SLC4A8: variants seen among roughly 807,000 people sequenced by gnomAD.
SLC4A8 encodes electroneutral sodium bicarbonate exchanger 1.
In SLC4A8, 40 loss-of-function variants were observed where a neutral mutation model predicts 125.0. That is an observed-to-expected ratio of 0.32 (90% confidence interval 0.25 to 0.42). The LOEUF (loss-of-function observed/expected upper bound fraction) is 0.42. Among genes scored for constraint, SLC4A8 ranks in the 10% least tolerant of loss-of-function variants. The pLI is 1.00. For synonymous variants in SLC4A8, 456 were observed against 476.0 expected (o/e 0.96, Z 0.55); for missense variants, 863 against 1,355.1 (o/e 0.64, Z 5.70).
rs1420101801 is a variant in SLC4A8, at chr12:51,433,501, A to C, written c.49-7207A>C. ...AAGCCCCTGTGAGAGAATCTGATGA[A>C]AGTTATGGACCCTCTCCCAAGAAAA... On this transcript the variant is annotated intron_variant, in intron 1 of 24. Transcript: ENST00000453097. 2.0e-5 allele frequency among the ~76,000 whole-genome samples: 3 copies of C among 152,122 alleles called. No individual in the cohort carries two copies. In the East Asian group the frequency reaches 5.8e-4, roughly 29 times the overall value.
At chr12:51,420,614 C>T (rs931354575), upstream of SLC4A8, among the ~76,000 whole-genome samples, 43 of 152,264 alleles carry the variant, frequency 2.8e-4, no homozygotes, top group African/African-American at 9.6e-4. Context: ...TTTATAATGT[C>T]TCCAGGGAGT....
intron 2 of SLC4A8, among the ~76,000 whole-genome samples, chr12:51,450,423 G>A (rs1459000737): frequency 6.6e-6 from 1 of 152,174 alleles, no homozygotes; most frequent in Non-Finnish European, 1.5e-5. Context: ...GCAAGTGAAT[G>A]ATGGAATTGA....
intron 1 of SLC4A8, among the ~76,000 whole-genome samples, chr12:51,417,976 C>G (rs568655552): frequency 6.6e-6 from 1 of 152,276 alleles, no homozygotes; most frequent in South Asian, 2.1e-4. Context: ...ACTGTGCATT[C>G]CATTGCTAAA....
At position 51,488,857 on chromosome 12, in the gene SLC4A8, C is replaced by G. The variant is rs1281468004; in HGVS notation, c.2445C>G (p.Leu815=). ...TTATTAACAGGAAGGAACATAAGCT[C>G]AAGGTAAAAAGAGGTTCTGACCTAG... ...AVIINRKEHK[L]KKGCGYHLDL... Residue 815 remains leucine, a synonymous_variant, in exon 18 of 25, where the codon CTC becomes CTG. Coordinates refer to ENST00000453097, the MANE Select transcript of SLC4A8 (RefSeq NM_001039960.3). 6.2e-7 allele frequency: 1 copy of G among 1,610,964 alleles called. No individual in the cohort carries two copies. Among genetic ancestry groups the G allele is most frequent in the Non-Finnish European group, 8.5e-7 (1 of 1,178,616 alleles).
intron 1 of SLC4A8, among the ~76,000 whole-genome samples, chr12:51,395,823 T>C (rs1326055427): frequency 6.6e-6 from 1 of 152,224 alleles, no homozygotes; most frequent in African/African-American, 2.4e-5. Flanking sequence ...GAAGTGCAGT[T>C]AATGATACCT....
chr12:51,457,615 G>T (rs1950194559), intron 6 of SLC4A8, 76 bp downstream of exon 6: 3 of 1,339,216 alleles, frequency 2.2e-6, no homozygotes. Flanking sequence ...ACTTACTAGG[G>T]GTGGGGGCTG....
rs529849891 is a variant in SLC4A8 at position 51,478,028 on chromosome 12, G to A, written c.2172+2822G>A. ...GCAGTGGCTCACGCCTGTAATCCCA[G>A]AACTTGGGAGGCCGAGATGGGCAGA... On this transcript the variant is annotated intron_variant, in intron 16 of 24. Coordinates refer to ENST00000453097, the MANE Select transcript of SLC4A8 (RefSeq NM_001039960.3). 3.9e-5 allele frequency among the ~76,000 whole-genome samples: 6 copies of A among 152,266 alleles called. No homozygotes were observed. The East Asian group carries it at 9.6e-4, about 24-fold the overall frequency.
chr12:51,491,737 G>GCACACACACA (rs371323026), intron 19 of SLC4A8, among the ~76,000 whole-genome samples: 105 of 126,912 alleles, frequency 8.3e-4, no homozygotes, highest in East Asian at 3.4e-3. Context: ...CTGGGGATGG[G>GCACACACACA]CAGACACACA....
chr12:51,421,406 C>T (rs1948787328), upstream of SLC4A8, among the ~76,000 whole-genome samples: 1 of 152,236 alleles, frequency 6.6e-6, no homozygotes, highest in Non-Finnish European at 1.5e-5. Flanking sequence ...GCAGCCTTAG[C>T]TGCTGCCTCT....
chr12:51,410,866 CTTTTCTTTTCT>C (rs1284253919), intron 1 of SLC4A8, among the ~76,000 whole-genome samples: 153 of 135,764 alleles, frequency 1.1e-3, no homozygotes, highest in African/African-American at 2.7e-3. Flanking sequence ...CTTTTCTTTT[CTTTTCTTTTCT>C]TTTTTTTTTT....
chr12:51,470,657 C>A (rs1487070165), intron 13 of SLC4A8, 132 bp downstream of exon 13: 1 of 829,422 alleles, frequency 1.2e-6, no homozygotes, highest in Non-Finnish European at 1.9e-6. Context: ...AGGAGACCAT[C>A]ATTTGGTCTG....
At chr12:51,500,564 AT>A (rs1454785568) in intron 22 of SLC4A8, among the ~76,000 whole-genome samples, 2 of 152,080 alleles carry the variant, frequency 1.3e-5, no homozygotes, top group East Asian at 3.8e-4. Flanking sequence ...CTATAGTATT[AT>A]CTCATACTTA....
At chr12:51,468,240 C>T (rs1950580735) in intron 11 of SLC4A8, among the ~76,000 whole-genome samples, 1 of 152,138 alleles carries the variant, frequency 6.6e-6, no homozygotes, top group Non-Finnish European at 1.5e-5. Context: ...CTTGGTCTGT[C>T]TCATCTTTGA....
chr12:51,487,485 G>T (rs1374762153), intron 17 of SLC4A8, among the ~76,000 whole-genome samples: 1 of 152,118 alleles, frequency 6.6e-6, no homozygotes, highest in East Asian at 1.9e-4. Context: ...TGACTAATAA[G>T]GAACCAAATC....
intron 1 of SLC4A8, among the ~76,000 whole-genome samples, chr12:51,437,075 T>A (rs559792305): frequency 6.6e-6 from 1 of 152,380 alleles, no homozygotes; most frequent in East Asian, 1.9e-4. Flanking sequence ...TATATAATTT[T>A]AAATGTCTAT....
At chr12:51,438,218 A>G (rs1488052609) in intron 1 of SLC4A8, among the ~76,000 whole-genome samples, 1 of 152,030 alleles carries the variant, frequency 6.6e-6, no homozygotes, top group Non-Finnish European at 1.5e-5. Flanking sequence ...ATAGAACACT[A>G]GAACTTATTC....
intron 2 of SLC4A8, among the ~76,000 whole-genome samples, chr12:51,442,054 G>A (rs940896067): frequency 2.6e-5 from 4 of 152,142 alleles, no homozygotes; most frequent in African/African-American, 9.7e-5. Flanking sequence ...TATACAAGTT[G>A]TCCTTTTCAT....
upstream of SLC4A8, among the ~76,000 whole-genome samples, chr12:51,424,037 C>CAAAAAAAAAAAAAAAA (rs35611847): frequency 7.9e-5 from 3 of 38,160 alleles, no homozygotes; most frequent in Non-Finnish European, 1.4e-4. Context: ...ACTTCGTCTC[C>CAAAAAAAAAAAAAAAA]AAAAAAAAAA....
chr12:51,393,053 ACTCT>A (rs34649668), intron 1 of SLC4A8, among the ~76,000 whole-genome samples: 67,955 of 145,560 alleles, frequency 0.47, 15,633 homozygotes, highest in East Asian at 0.57. Context: ...TTTCTTTCTT[ACTCT>A]CTCTGTCTCT....
Sources: allele counts gnomAD v4.1 joint callset (sites outside exome capture counted in the v4.1 genomes callset), GRCh38; gene constraint gnomAD v4.1.1; transcripts MANE v1.5; gene names NCBI Gene and HGNC (gene_info 2026-07-23, HGNC 2026-07-21).